The following NRG3 variants were observed in gnomAD, a reference collection of about 807,000 sequenced individuals.
NRG3 encodes pro-neuregulin-3, membrane-bound isoform.
Under a neutral mutation model 66.9 loss-of-function variants are expected in NRG3, and 31 were observed. The observed-to-expected ratio is 0.46, with a 90% CI of 0.35 to 0.63. The LOEUF (loss-of-function observed/expected upper bound fraction) is 0.63. NRG3 is among the 20% of genes least tolerant of loss of function. NRG3 has a pLI of 0.00. For synonymous variants in NRG3, 393 were observed against 359.4 expected (o/e 1.09, Z -1.06); for missense variants, 910 against 878.9 (o/e 1.04, Z -0.45).
At chr10:82,606,597 G>C (rs1001024392) in intron 2 of NRG3, among the ~76,000 whole-genome samples, 2 of 152,032 alleles carry the variant, frequency 1.3e-5, no homozygotes, top group Admixed American at 6.6e-5. Context: ...ACCAGCACAA[G>C]GTTAACAAGA....
chr10:82,434,208 A>G (rs1423392514), intron 2 of NRG3, among the ~76,000 whole-genome samples: 3 of 151,768 alleles, frequency 2.0e-5, no homozygotes, highest in Admixed American at 6.6e-5. Context: ...CTCTTTTTAG[A>G]GATTGTGAAT....
chr10:82,251,478 C>A (rs1207006042), intron 1 of NRG3, among the ~76,000 whole-genome samples: 2 of 152,068 alleles, frequency 1.3e-5, no homozygotes, highest in Non-Finnish European at 2.9e-5. Flanking sequence ...AATCAGGATT[C>A]CCTCACAGAC....
intron 1 of NRG3, among the ~76,000 whole-genome samples, chr10:82,277,240 T>C (rs1419756144): frequency 6.6e-6 from 1 of 152,080 alleles, no homozygotes; most frequent in East Asian, 1.9e-4. Flanking sequence ...GGAAAAATCT[T>C]TAATCTTAAA....
Position 81,905,618 on chromosome 10 carries a change from T to A in NRG3, c.823+29455T>A, listed in dbSNP as rs188297896. ...AGACCTGGACCTCTGATTAGTCTTG[T>A]ACTTTTGTCATAATTTTTGGTTCCT... On this transcript the variant is annotated intron_variant, in intron 1 of 8. Coordinates refer to ENST00000372141, the MANE Select transcript of NRG3 (RefSeq NM_001010848.4). Among the ~76,000 whole-genome samples the A allele has an allele frequency of 1.2e-3, 176 of 152,352 alleles. 1 individual carries two copies. Among genetic ancestry groups the A allele is most frequent in the Middle Eastern group, 0.01 (3 of 294 alleles).
intron 3 of NRG3, among the ~76,000 whole-genome samples, chr10:82,778,827 G>A (rs2060008510): frequency 6.6e-6 from 1 of 152,118 alleles, no homozygotes; most frequent in African/African-American, 2.4e-5. Context: ...GGTTGGTTCA[G>A]TTGCTGGGGG....
chr10:81,940,952 A>T (rs1848354240), intron 1 of NRG3, among the ~76,000 whole-genome samples: 1 of 152,052 alleles, frequency 6.6e-6, no homozygotes, highest in South Asian at 2.1e-4. Context: ...GTGATATATG[A>T]GCTTTTAACT....
At chr10:82,533,829 A>G (rs915153551) in intron 2 of NRG3, among the ~76,000 whole-genome samples, 1 of 152,174 alleles carries the variant, frequency 6.6e-6, no homozygotes, top group Non-Finnish European at 1.5e-5. Flanking sequence ...ATGATCTTAT[A>G]TATGGAAAAC....
At chr10:81,977,479 G>A (rs1443490492) in intron 1 of NRG3, among the ~76,000 whole-genome samples, 1 of 152,020 alleles carries the variant, frequency 6.6e-6, no homozygotes, top group Non-Finnish European at 1.5e-5. Context: ...GTTCTGTGTT[G>A]GCTGAGTTAA....
chr10:82,261,481 A>G (rs543638128), intron 1 of NRG3, among the ~76,000 whole-genome samples: 85 of 152,308 alleles, frequency 5.6e-4, no homozygotes, highest in Middle Eastern at 6.8e-3. Flanking sequence ...TGGGTCGTGG[A>G]GACCTTAACC....
At chr10:82,324,495 A>C (rs1432840793) in intron 1 of NRG3, among the ~76,000 whole-genome samples, 2 of 151,772 alleles carry the variant, frequency 1.3e-5, no homozygotes, top group Non-Finnish European at 1.5e-5. Context: ...TTTCTTTTTT[A>C]ATATGGAAAA....
chr10:81,974,391 C>A (rs1192053960), intron 1 of NRG3, among the ~76,000 whole-genome samples: 1 of 152,082 alleles, frequency 6.6e-6, no homozygotes, highest in Non-Finnish European at 1.5e-5. Context: ...CCGAGCCAAG[C>A]TTGTTATGAC....
intron 2 of NRG3, among the ~76,000 whole-genome samples, chr10:82,460,798 G>T (rs991851493): frequency 1.3e-5 from 2 of 152,142 alleles, no homozygotes; most frequent in African/African-American, 4.8e-5. Context: ...AGCAGCTGCA[G>T]TGTGAGGAGC....
In NRG3 at chr10:82,047,359, G is replaced by A. The variant is rs562161157; in HGVS notation, c.823+171196G>A. Among the ~76,000 whole-genome samples the A allele has an allele frequency of 3.9e-5, 6 of 152,044 alleles. No individual in the cohort carries two copies. In the East Asian group the frequency reaches 1.2e-3, roughly 30 times the overall value. ...TAAGGGCAGCCAGAGAGAAAGGTCG[G>A]GTTACCCACAAAGGGAAGCCCATCA... On this transcript the variant is annotated intron_variant, in intron 1 of 8. Coordinates refer to ENST00000372141, the MANE Select transcript of NRG3 (RefSeq NM_001010848.4).
At chr10:82,949,332 T>C (rs1387551050) in intron 4 of NRG3, among the ~76,000 whole-genome samples, 1 of 152,166 alleles carries the variant, frequency 6.6e-6, no homozygotes, top group Non-Finnish European at 1.5e-5. Context: ...TATTTATCTG[T>C]AATTTTTGGT....
At chr10:81,990,360 C>T (rs983186142) in intron 1 of NRG3, among the ~76,000 whole-genome samples, 4 of 152,042 alleles carry the variant, frequency 2.6e-5, no homozygotes, top group African/African-American at 9.7e-5. Context: ...TCTATTTTCT[C>T]CAAGGGAATA....
intron 1 of NRG3, among the ~76,000 whole-genome samples, chr10:82,150,693 T>C (rs966737185): frequency 6.6e-6 from 1 of 152,088 alleles, no homozygotes; most frequent in Non-Finnish European, 1.5e-5. Flanking sequence ...CGCCTGGACA[T>C]TCCAGTGACT....
rs550569748 is a variant in NRG3 at position 82,040,778 on chromosome 10, AAAGAAAATGACAG to A, written c.823+164617_823+164629del. On this transcript the variant is annotated intron_variant, in intron 1 of 8. Transcript: ENST00000372141. ...CTACATTAACCTGCTGCTGTCAGAA[AAAGAAAATGACAG>A]ATTTATAGTTCTCCTCTCCCTGCCC... 3.3e-5 allele frequency among the ~76,000 whole-genome samples: 5 copies of A among 152,188 alleles called. No individual in the cohort carries two copies. The South Asian group carries it at 1.0e-3, about 32-fold the overall frequency.
At chr10:82,541,691 T>C (rs1350820467) in intron 2 of NRG3, among the ~76,000 whole-genome samples, 2 of 152,194 alleles carry the variant, frequency 1.3e-5, no homozygotes, top group African/African-American at 4.8e-5. Context: ...TGGATTTCAT[T>C]TATGCCTTTT....
At chr10:82,860,236 G>A (rs1017107062) in intron 3 of NRG3, among the ~76,000 whole-genome samples, 8 of 152,096 alleles carry the variant, frequency 5.3e-5, no homozygotes, top group African/African-American at 7.2e-5. Flanking sequence ...TGTCTGCCCC[G>A]CTACCTAGCT....
Sources: allele counts gnomAD v4.1 joint callset (sites outside exome capture counted in the v4.1 genomes callset), GRCh38; gene constraint gnomAD v4.1.1; transcripts MANE v1.5; gene names NCBI Gene and HGNC (gene_info 2026-07-23, HGNC 2026-07-21).